AGK: variants seen among roughly 807,000 people sequenced by gnomAD.
AGK encodes the protein acylglycerol kinase, also known as acylglycerol kinase, mitochondrial.
In AGK, 52 loss-of-function variants were observed where a neutral mutation model predicts 66.4. The observed-to-expected ratio is 0.78, with a 90% CI of 0.63 to 0.99. AGK has a LOEUF of 0.99. Among genes scored for constraint, AGK ranks in the 50% least tolerant of loss-of-function variants. AGK has a pLI of 0.00. For missense variants in AGK, 451 were observed against 506.6 expected (o/e 0.89, Z 1.05); for synonymous variants, 182 against 181.1 (o/e 1.00, Z -0.04).
At chr7:141,609,584 C>T (rs2116950268) in intron 5 of AGK, among the ~76,000 whole-genome samples, 1 of 152,328 alleles carries the variant, frequency 6.6e-6, no homozygotes, top group Non-Finnish European at 1.5e-5. Context: ...GTATTTGCTT[C>T]CAGCCTGGAA....
At position 141,596,545 on chromosome 7, in the gene AGK, G is replaced by T. The variant is rs752211163; in HGVS notation, c.142-17G>T. ...TAAATGGACTTTTACTGAAAACTTT[G>T]CTCTTTTCTTTTTTAGGTGTTTGGC... On this transcript the variant is annotated splice_polypyrimidine_tract_variant and intron_variant, in intron 3 of 15. Coordinates refer to ENST00000649286, the MANE Select transcript of AGK (RefSeq NM_018238.4). 6 of 1,609,986 alleles carry T rather than the reference G, an allele frequency of 3.7e-6. No individual in the cohort carries two copies. The South Asian group carries it at 4.4e-5, about 12-fold the overall frequency.
chr7:141,556,033 T>C (rs559720779), intron 2 of AGK, among the ~76,000 whole-genome samples: 4 of 152,274 alleles, frequency 2.6e-5, no homozygotes, highest in Admixed American at 2.0e-4. Context: ...TAGGGAGATA[T>C]GACACATCAA....
intron 5 of AGK, among the ~76,000 whole-genome samples, chr7:141,608,555 A>G (rs561962137): frequency 1.4e-4 from 22 of 152,306 alleles, no homozygotes; most frequent in South Asian, 8.3e-4. Flanking sequence ...TCAGCTTTGT[A>G]TCATTTATGT....
At chr7:141,580,912 G>A (rs1795868527) in intron 2 of AGK, among the ~76,000 whole-genome samples, 1 of 151,948 alleles carries the variant, frequency 6.6e-6, no homozygotes. Context: ...GGAAAGAGGA[G>A]TGGGGAAAGG....
At chr7:141,624,278 C>A (rs1287764453) in intron 9 of AGK, among the ~76,000 whole-genome samples, 1 of 152,120 alleles carries the variant, frequency 6.6e-6, no homozygotes, top group Non-Finnish European at 1.5e-5. Context: ...AATAGATGAA[C>A]TACTGTCTTG....
At chr7:141,586,204 C>T (rs1795991958) in intron 2 of AGK, among the ~76,000 whole-genome samples, 1 of 152,182 alleles carries the variant, frequency 6.6e-6, no homozygotes, top group Non-Finnish European at 1.5e-5. Flanking sequence ...ACACTCTACA[C>T]ACCCACACAC....
chr7:141,600,756 G>C (rs1796323722), intron 4 of AGK, among the ~76,000 whole-genome samples: 1 of 152,206 alleles, frequency 6.6e-6, no homozygotes, highest in Non-Finnish European at 1.5e-5. Flanking sequence ...GGGCATGACT[G>C]TGCCTGGGAG....
intron 2 of AGK, among the ~76,000 whole-genome samples, chr7:141,585,845 T>C (rs1353305468): frequency 1.3e-5 from 2 of 152,204 alleles, no homozygotes; most frequent in Admixed American, 6.5e-5. Context: ...CTAATTTCTT[T>C]CTGTCAAAGA....
chr7:141,576,127 G>T (rs1795732814), intron 2 of AGK, among the ~76,000 whole-genome samples: 3 of 152,068 alleles, frequency 2.0e-5, no homozygotes, highest in African/African-American at 7.2e-5. Context: ...ACTAACTAAA[G>T]AAATTCATTC....
In AGK at chr7:141,641,251, T is replaced by C; in HGVS notation, c.730T>C (p.Trp244Arg). Reference protein sequence around the residue: ...AAHFFSTLKEWPQTHQASISY... With the variant: ...AAHFFSTLKERPQTHQASISY... ...TTTTCTCTCTCCACATTAAAAGGAG[T>C]GGCCTCAGACTCATCAAGCCTCTAT... The change falls in exon 12 of 16, where the codon TGG becomes CGG. Residue 244 changes from tryptophan to arginine, a missense_variant. Physicochemically the swap from Trp to Arg is moderately radical, Grantham distance 101. Coordinates refer to ENST00000649286, the MANE Select transcript of AGK (RefSeq NM_018238.4). 6.3e-7 allele frequency: 1 copy of C among 1,598,028 alleles called. No individual in the cohort carries two copies.
intron 2 of AGK, among the ~76,000 whole-genome samples, chr7:141,574,900 C>T (rs368328951): frequency 4.6e-5 from 7 of 152,312 alleles, no homozygotes; most frequent in African/African-American, 1.4e-4. Context: ...AGCTTTACTG[C>T]AGCCTTTAGC....
At chr7:141,601,143 C>A in intron 4 of AGK, 62 bp from the exon 5 acceptor site, 1 of 1,258,984 alleles carries the variant, frequency 7.9e-7, no homozygotes, top group Non-Finnish European at 1.1e-6. Context: ...GATTGTAAGG[C>A]TTTTTGTTCT....
intron 9 of AGK, among the ~76,000 whole-genome samples, chr7:141,627,591 C>T (rs1274725743): frequency 1.3e-5 from 2 of 152,164 alleles, no homozygotes; most frequent in Non-Finnish European, 2.9e-5. Flanking sequence ...GATGTCTGGA[C>T]TCTTCACCAT....
chr7:141,553,613 A>C (rs1795145007), intron 1 of AGK, among the ~76,000 whole-genome samples: 1 of 152,236 alleles, frequency 6.6e-6, no homozygotes. Context: ...CACCCCCAGC[A>C]CAGAGCCTAC....
chr7:141,578,713 G>GATTGGT (rs368171947), intron 2 of AGK, among the ~76,000 whole-genome samples: 89 of 151,956 alleles, frequency 5.9e-4, no homozygotes, highest in African/African-American at 2.0e-3. Context: ...CGTATAGAAT[G>GATTGGT]ATTGGTGATG....
chr7:141,589,221 T>C (rs1796056517), intron 2 of AGK, among the ~76,000 whole-genome samples: 2 of 152,204 alleles, frequency 1.3e-5, no homozygotes, highest in South Asian at 4.1e-4. Context: ...CTTCCTAATA[T>C]GTAAAATGAG....
chr7:141,600,884 G>A (rs529146534), intron 4 of AGK, among the ~76,000 whole-genome samples: 15 of 152,152 alleles, frequency 9.9e-5, no homozygotes, highest in Non-Finnish European at 1.5e-4. Context: ...AGTGAATCAA[G>A]CATTGTTGCC....
chr7:141,585,830 G>A (rs976292811), intron 2 of AGK, among the ~76,000 whole-genome samples: 5 of 152,056 alleles, frequency 3.3e-5, no homozygotes, highest in Admixed American at 1.3e-4. Flanking sequence ...CTAATCCAGA[G>A]CCTTCTAATT....
At position 141,602,173 on chromosome 7, in the gene AGK, T is replaced by TGTGTGTGTGTGTGTGTGTG. The variant is rs1587114560; in HGVS notation, c.297+893_297+894insGTGTGTGTGTGTGTGTGTG. On this transcript the variant is annotated intron_variant, in intron 5 of 15. Coordinates refer to ENST00000649286, the MANE Select transcript of AGK (RefSeq NM_018238.4). ...GAGCTTTCCTTGAGGGGAGATTTTC[T>TGTGTGTGTGTGTGTGTGTG]TGTGTGTGTGTGTGTGTGTGTGTGT... 2.5e-3 allele frequency among the ~76,000 whole-genome samples: 309 copies of TGTGTGTGTGTGTGTGTGTG among 125,368 alleles called. 3 individuals are homozygous for TGTGTGTGTGTGTGTGTGTG. Among genetic ancestry groups the TGTGTGTGTGTGTGTGTGTG allele is most frequent in the East Asian group, 0.014 (54 of 3,838 alleles). The allele number at this position is 125,368 out of a possible 152,430, so 82.2% of individuals were successfully genotyped here.
Sources: allele counts gnomAD v4.1 joint callset (sites outside exome capture counted in the v4.1 genomes callset), GRCh38; gene constraint gnomAD v4.1.1; transcripts MANE v1.5; gene names NCBI Gene and HGNC (gene_info 2026-07-23, HGNC 2026-07-21).